YIPF1: variants seen among roughly 807,000 people sequenced by gnomAD.
The protein encoded by YIPF1 is protein YIPF1.
In YIPF1, 22 loss-of-function variants were observed where a neutral mutation model predicts 37.0. That is an observed-to-expected ratio of 0.59 (90% CI 0.42 to 0.85). The LOEUF is 0.85. Among genes scored for constraint, YIPF1 ranks in the 40% least tolerant of loss-of-function variants. YIPF1 has a pLI of 0.00. For missense variants in YIPF1, 355 were observed against 373.1 expected (o/e 0.95, Z 0.40); for synonymous variants, 128 against 131.9 (o/e 0.97, Z 0.21).
chr1:53,869,326 A>ATT (rs975292972), intron 7 of YIPF1, among the ~76,000 whole-genome samples: 2 of 146,646 alleles, frequency 1.4e-5, no homozygotes, highest in African/African-American at 2.5e-5. Flanking sequence ...ATGTGCACAT[A>ATT]TTTTTGTGTG....
intron 3 of YIPF1, 130 bp downstream of exon 3, chr1:53,888,777 G>T: frequency 1.1e-6 from 1 of 929,336 alleles, no homozygotes. Context: ...ACACCTGGAT[G>T]TGGCCAACAG....
chr1:53,869,872 CTTT>C (rs11304446), intron 7 of YIPF1, among the ~76,000 whole-genome samples: 18 of 125,844 alleles, frequency 1.4e-4, no homozygotes, highest in Admixed American at 1.6e-4. Flanking sequence ...TTTCTCCCCG[CTTT>C]TTTTTTTTTT....
chr1:53,880,317 T>G (rs1020137762), intron 4 of YIPF1, among the ~76,000 whole-genome samples: 5 of 151,820 alleles, frequency 3.3e-5, no homozygotes, highest in Admixed American at 2.6e-4. Flanking sequence ...TTTGTATGAA[T>G]GAACTGCTAC....
chr1:53,867,970 A>G (rs1357752259), intron 7 of YIPF1, among the ~76,000 whole-genome samples: 1 of 152,174 alleles, frequency 6.6e-6, no homozygotes. Flanking sequence ...TCATAAAGTT[A>G]TAGGTAAGCC....
At chr1:53,888,778 TG>T in intron 3 of YIPF1, 128 bp downstream of exon 3, 1 of 945,876 alleles carries the variant, frequency 1.1e-6, no homozygotes, top group Non-Finnish European at 1.5e-6. Context: ...CACCTGGATG[TG>T]GCCAACAGCC....
chr1:53,854,694 G>A (rs1474229752), intron 10 of YIPF1, among the ~76,000 whole-genome samples: 1 of 152,164 alleles, frequency 6.6e-6, no homozygotes, highest in Non-Finnish European at 1.5e-5. Flanking sequence ...ATCTGGGAGG[G>A]TAAGGACTGA....
Position 53,878,422 on chromosome 1 carries a change from T to C in YIPF1, c.277-20A>G. 6.2e-7 allele frequency: 1 copy of C among 1,609,436 alleles called. No individual in the cohort carries two copies. The highest frequency in any genetic ancestry group is 2.2e-5 in the East Asian group (1 of 44,858). ...AAAGACCTGGAAAACATCATAGCAG[T>C]AATTCTACTGAAGTTTTTTAAGTTT... On this transcript the variant is annotated intron_variant, in intron 5 of 10. Coordinates refer to ENST00000072644, the MANE Select transcript of YIPF1 (RefSeq NM_018982.5).
At chr1:53,871,012 C>CAA (rs57949076) in intron 7 of YIPF1, among the ~76,000 whole-genome samples, 86 of 65,074 alleles carry the variant, frequency 1.3e-3, no homozygotes, top group Middle Eastern at 0.018. Context: ...GTCACTGTCT[C>CAA]AAAAAAAAAA....
rs1188729176 is a variant in YIPF1, at chr1:53,852,186, A to G, written c.*93T>C. The G allele has an allele frequency of 3.3e-5, 5 of 152,194 alleles. No homozygotes were observed. Among genetic ancestry groups the G allele is most frequent in the Non-Finnish European group, 7.3e-5 (5 of 68,042 alleles). The allele number at this position is 152,194 out of a possible 1,614,324, so 9.4% of individuals were successfully genotyped here. ...AGACACTGGGAATTTGTGCCACTCCATCAGTTCTGCTGGCTCTGCTCATTC... is the reference window on the plus strand; with the variant it reads ...AGACACTGGGAATTTGTGCCACTCCGTCAGTTCTGCTGGCTCTGCTCATTC... On this transcript the variant is annotated 3_prime_UTR_variant, in exon 11 of 11. Transcript: ENST00000072644.
chr1:53,872,691 T>G (rs1280999153), intron 6 of YIPF1, among the ~76,000 whole-genome samples: 2 of 152,196 alleles, frequency 1.3e-5, no homozygotes, highest in Admixed American at 1.3e-4. Flanking sequence ...TTACGAACAT[T>G]ACTGTCATAG....
At chr1:53,872,911 A>AT (rs1465793081) in intron 6 of YIPF1, among the ~76,000 whole-genome samples, 2 of 152,246 alleles carry the variant, frequency 1.3e-5, no homozygotes, top group Non-Finnish European at 2.9e-5. Flanking sequence ...GTGACCACAC[A>AT]TAAGAGTGGC....
chr1:53,878,552 A>G, intron 5 of YIPF1, 90 bp downstream of exon 5: 1 of 1,490,090 alleles, frequency 6.7e-7, no homozygotes, highest in Non-Finnish European at 9.2e-7. Flanking sequence ...TTTTCAGTAT[A>G]TAAAGGCTTT....
chr1:53,878,196 A>G (rs1569641548), intron 6 of YIPF1, 119 bp downstream of exon 6: 2 of 990,422 alleles, frequency 2.0e-6, no homozygotes, highest in African/African-American at 3.3e-5. Context: ...TGAAGTTCAG[A>G]AAAGTCTAAT....
At chr1:53,870,595 A>G (rs1650162951) in intron 7 of YIPF1, among the ~76,000 whole-genome samples, 3 of 152,300 alleles carry the variant, frequency 2.0e-5, no homozygotes, top group African/African-American at 7.2e-5. Context: ...CAGCTAGTTG[A>G]GCCATCACAG....
chr1:53,887,096 T>C (rs968425579), intron 3 of YIPF1, among the ~76,000 whole-genome samples: 17 of 151,890 alleles, frequency 1.1e-4, no homozygotes, highest in African/African-American at 4.1e-4. Flanking sequence ...TGTTTGTTTG[T>C]TTATGTTTGA....
chr1:53,885,556 C>T (rs1421337908), intron 3 of YIPF1, among the ~76,000 whole-genome samples: 1 of 151,996 alleles, frequency 6.6e-6, no homozygotes, highest in African/African-American at 2.4e-5. Flanking sequence ...TGCAGTGGCT[C>T]ACGCCTGTAA....
intron 6 of YIPF1, 51 bp downstream of exon 6, chr1:53,878,264 A>T (rs561846980): frequency 1.7e-5 from 27 of 1,586,186 alleles, no homozygotes; most frequent in Non-Finnish European, 2.2e-5. Flanking sequence ...CAACCCTCAC[A>T]CTCACCCAAG....
At chr1:53,881,672 CCAGT>C (rs1650505654) in intron 4 of YIPF1, among the ~76,000 whole-genome samples, 1 of 152,132 alleles carries the variant, frequency 6.6e-6, no homozygotes, top group South Asian at 2.1e-4. Context: ...CCATATCATG[CCAGT>C]CAGAATGGTG....
Position 53,889,329 on chromosome 1 carries a change from A to G in YIPF1, c.-135T>C, listed in dbSNP as rs546160692. 6.5e-4 allele frequency: 113 copies of G among 173,164 alleles called. No homozygotes were observed. The highest frequency in any genetic ancestry group is 2.5e-3 in the African/African-American group (107 of 42,440). 10.7% of individuals were successfully genotyped at this position (173,164 alleles called of 1,614,324 possible). ...GAGGTTTGAAAGAGGTGATGGGGAC[A>G]GTGAAGAACAAAGGCAGTTCAGCCT... is the stretch of plus-strand genomic sequence containing the variant. On this transcript the variant is annotated 5_prime_UTR_variant, in exon 2 of 11. Transcript: ENST00000072644.
Sources: allele counts gnomAD v4.1 joint callset (sites outside exome capture counted in the v4.1 genomes callset), GRCh38; gene constraint gnomAD v4.1.1; transcripts MANE v1.5; gene names NCBI Gene and HGNC (gene_info 2026-07-23, HGNC 2026-07-21).